Variants in ANO10 observed in about 807,000 individuals in gnomAD.
ANO10 encodes the protein anoctamin-10.
Under a neutral mutation model 74.7 loss-of-function variants are expected in ANO10, and 77 were observed. That is an observed-to-expected ratio of 1.03 (90% CI 0.86 to 1.25). ANO10 has a LOEUF of 1.25. Among genes scored for constraint, ANO10 ranks in the 50% most tolerant of loss-of-function variants. The probability of loss-of-function intolerance (pLI) is 0.00; values close to 1 mark genes in which losing one functional copy is unlikely to be tolerated. For synonymous variants in ANO10, 279 were observed against 284.9 expected, an observed-to-expected ratio of 0.98 and a Z score of 0.21; for missense variants, 721 against 778.1, an observed-to-expected ratio of 0.93 and a Z score of 0.87.
chr3:43,690,410 T>G (rs968442908), intron 1 of ANO10: 3 of 152,380 alleles, frequency 2.0e-5, no homozygotes, highest in African/African-American at 4.8e-5. Context: ...GGAGGGAAAT[T>G]GCTGGCTCTG....
intron 1 of ANO10, among the ~76,000 whole-genome samples, chr3:43,658,384 A>C (rs113507055): frequency 6.6e-6 from 1 of 152,158 alleles, no homozygotes; most frequent in Admixed American, 6.5e-5. Context: ...ACAGCAATGA[A>C]TGTGACCATC....
At chr3:43,538,590 G>A (rs2078819862) in intron 11 of ANO10, among the ~76,000 whole-genome samples, 1 of 152,168 alleles carries the variant, frequency 6.6e-6, no homozygotes, top group South Asian at 2.1e-4. Flanking sequence ...ATAAAGAACT[G>A]GGATCTAACC....
intron 1 of ANO10, among the ~76,000 whole-genome samples, chr3:43,656,868 G>C (rs1291222739): frequency 6.6e-6 from 1 of 152,234 alleles, no homozygotes. Context: ...CCAGAAAGGG[G>C]CTCCCACAGT....
At chr3:43,590,700 C>T (rs1218784574) in intron 4 of ANO10, among the ~76,000 whole-genome samples, 1 of 152,214 alleles carries the variant, frequency 6.6e-6, no homozygotes, top group Non-Finnish European at 1.5e-5. Context: ...AACCAAACAA[C>T]ATGGGTTAAC....
At chr3:43,618,826 G>C (rs1002774410) in intron 1 of ANO10, among the ~76,000 whole-genome samples, 6 of 151,758 alleles carry the variant, frequency 4.0e-5, no homozygotes, top group Non-Finnish European at 8.8e-5. Context: ...CTTTGAGGCA[G>C]AGTCTCGCTC....
rs185242711 is a variant in ANO10, at chr3:43,545,872, A to T, written c.1797+3848T>A. On this transcript the variant is annotated intron_variant, in intron 11 of 12. Coordinates refer to ENST00000292246, the MANE Select transcript of ANO10 (RefSeq NM_018075.5). Reference sequence around the variant, plus strand: ...TTGTAAAATTCAGAATTAGAATTTTAACATGATTTTACAAACTGAATGGTA... The same window carrying T: ...TTGTAAAATTCAGAATTAGAATTTTTACATGATTTTACAAACTGAATGGTA... 1.0e-3 allele frequency among the ~76,000 whole-genome samples: 159 copies of T among 152,358 alleles called. 1 individual carries two copies. The highest frequency in any genetic ancestry group is 3.6e-3 in the African/African-American group (151 of 41,584).
chr3:43,384,176 C>CA lies in ANO10; in HGVS notation c.1915-17203dup, dbSNP rs539292803. Among the ~76,000 whole-genome samples, 1,288 of 139,126 alleles carry CA rather than the reference C, an allele frequency of 9.3e-3. 20 individuals are homozygous for CA. Among genetic ancestry groups the CA allele is most frequent in the African/African-American group, 0.028 (1,077 of 38,216 alleles). 91.3% of individuals were successfully genotyped at this position (139,126 alleles called of 152,430 possible). On this transcript the variant is annotated intron_variant, in intron 12 of 12. Coordinates refer to ENST00000292246, the MANE Select transcript of ANO10 (RefSeq NM_018075.5). Reference sequence around the variant, plus strand: ...AACTCAACTTCTTTTAAAATAGCTTCAAAAAAAAAAAGAAAAGTAAAATAC... The same window carrying CA: ...AACTCAACTTCTTTTAAAATAGCTTCAAAAAAAAAAAAGAAAAGTAAAATAC...
At position 43,366,114 on chromosome 3, in the gene ANO10, C is replaced by T. The variant is rs1364260645; in HGVS notation, c.*792G>A. 1 of 152,510 alleles carries T rather than the reference C, an allele frequency of 6.6e-6. No individual in the cohort carries two copies. The highest frequency in any genetic ancestry group is 1.5e-5 in the Non-Finnish European group (1 of 68,276). 9.4% of individuals were successfully genotyped at this position (152,510 alleles called of 1,614,324 possible). ...TGGCTGCTGGCCCTTGGCTTGGCAC[C>T]ATGGGTACACCCTGCATGTGAAAGC... On this transcript the variant is annotated 3_prime_UTR_variant, in exon 13 of 13. Coordinates refer to ENST00000292246, the MANE Select transcript of ANO10 (RefSeq NM_018075.5).
chr3:43,625,913 A>C (rs1442053992), upstream of ANO10, among the ~76,000 whole-genome samples: 1 of 147,822 alleles, frequency 6.8e-6, no homozygotes, highest in Non-Finnish European at 1.5e-5. Context: ...ACTTAGAAAG[A>C]CCTCCACCTC....
At chr3:43,688,951 G>A (rs1460783871) in intron 1 of ANO10, among the ~76,000 whole-genome samples, 2 of 152,140 alleles carry the variant, frequency 1.3e-5, no homozygotes, top group African/African-American at 4.8e-5. Flanking sequence ...CTTGGCTTCT[G>A]GAAAGGCCAC....
At chr3:43,601,174 T>C (rs182255651) in intron 2 of ANO10, among the ~76,000 whole-genome samples, 1 of 152,202 alleles carries the variant, frequency 6.6e-6, no homozygotes, top group African/African-American at 2.4e-5. Flanking sequence ...ACTTAAAAGA[T>C]TATAAAGAAA....
intron 12 of ANO10, among the ~76,000 whole-genome samples, chr3:43,427,719 T>C (rs1575762401): frequency 6.6e-6 from 1 of 152,178 alleles, no homozygotes; most frequent in Non-Finnish European, 1.5e-5. Context: ...AGGCTACTCA[T>C]AGTTACAAAG....
chr3:43,624,067 T>C (rs2083472148), upstream of ANO10, among the ~76,000 whole-genome samples: 1 of 152,218 alleles, frequency 6.6e-6, no homozygotes, highest in Non-Finnish European at 1.5e-5. Context: ...TCTTGTATAA[T>C]CTTATTTCAT....
chr3:43,464,467 C>G (rs1200826292), intron 11 of ANO10, among the ~76,000 whole-genome samples: 1 of 152,116 alleles, frequency 6.6e-6, no homozygotes, highest in East Asian at 1.9e-4. Context: ...ATCACTTGAA[C>G]TCAGGAGTTT....
intron 6 of ANO10, among the ~76,000 whole-genome samples, 195 bp from the exon 7 acceptor site, chr3:43,575,059 G>A (rs1428994847): frequency 6.6e-6 from 1 of 151,906 alleles, no homozygotes; most frequent in African/African-American, 2.4e-5. Context: ...TCAGGGTACT[G>A]CAATAGCACT....
intron 1 of ANO10, among the ~76,000 whole-genome samples, chr3:43,631,800 A>G (rs1030429616): frequency 6.6e-6 from 1 of 151,950 alleles, no homozygotes; most frequent in African/African-American, 2.4e-5. Flanking sequence ...AGAAAGTTAC[A>G]GGCTGGGTAC....
intron 9 of ANO10, among the ~76,000 whole-genome samples, chr3:43,556,778 G>T (rs534242886): frequency 6.6e-6 from 1 of 152,100 alleles, no homozygotes; most frequent in African/African-American, 2.4e-5. Flanking sequence ...ACACACAATG[G>T]TGAGAAGATA....
chr3:43,469,125 C>T (rs1316021038), intron 11 of ANO10, among the ~76,000 whole-genome samples: 1 of 149,500 alleles, frequency 6.7e-6, no homozygotes, highest in Non-Finnish European at 1.5e-5. Context: ...TCACTGCAAC[C>T]TCCACCTCCC....
rs1185393185 is a variant in ANO10, at chr3:43,633,893, C to CT, written c.-11-28031dup. On this transcript the variant is annotated intron_variant, in intron 1 of 3. Transcript: ENST00000413397. ...CACAATCAATAAATTTGCATCGTAGCTAAAAAAAAAAAAACTCAGACTTTT... is the reference window on the plus strand; with the variant it reads ...CACAATCAATAAATTTGCATCGTAGCTTAAAAAAAAAAAAACTCAGACTTTT... Among the ~76,000 whole-genome samples, 10 of 143,460 alleles carry CT rather than the reference C, an allele frequency of 7.0e-5. No homozygotes were observed. In the East Asian group the frequency reaches 1.4e-3, roughly 20 times the overall value. The allele number at this position is 143,460 out of a possible 152,430, so 94.1% of individuals were successfully genotyped here.
Sources: allele counts gnomAD v4.1 joint callset (sites outside exome capture counted in the v4.1 genomes callset), GRCh38; gene constraint gnomAD v4.1.1; transcripts MANE v1.5; gene names NCBI Gene and HGNC (gene_info 2026-07-23, HGNC 2026-07-21).